ARHGEF4: variants seen among roughly 807,000 people sequenced by gnomAD.
ARHGEF4 encodes the protein APC-stimulated guanine nucleotide exchange factor 1.
A neutral mutation model predicts 162.0 loss-of-function variants in ARHGEF4; 119 were observed. The ratio of observed to expected loss-of-function variants is 0.73; its 90% confidence interval spans 0.63 to 0.86. ARHGEF4 has a LOEUF of 0.86. ARHGEF4 is among the 40% of genes least tolerant of loss of function. The pLI, the probability that ARHGEF4 is intolerant of heterozygous loss-of-function variation, is 0.00. For missense variants in ARHGEF4, 2,488 were observed against 2,456.0 expected (o/e 1.01, Z -0.28); for synonymous variants, 1,014 against 979.9 (o/e 1.03, Z -0.65).
Position 130,863,980 on chromosome 2 carries a change from C to T in ARHGEF4, c.39+26988C>T, listed in dbSNP as rs1473785668. Among the ~76,000 whole-genome samples the T allele has an allele frequency of 8.4e-4, 109 of 129,798 alleles. 2 individuals carry two copies. Among genetic ancestry groups the T allele is most frequent in the African/African-American group, 3.0e-3 (101 of 33,998 alleles). 85.2% of individuals were successfully genotyped at this position (129,798 alleles called of 152,430 possible). On this transcript the variant is annotated intron_variant, in intron 1 of 13. Coordinates refer to ENST00000409359, the MANE Select transcript of ARHGEF4 (RefSeq NM_001367493.1). ...CAGGCAGATCACGAGGTCAGGAGATCGAGACCATCCTGGCAAACACGGTGA... is the reference window on the plus strand; with the variant it reads ...CAGGCAGATCACGAGGTCAGGAGATTGAGACCATCCTGGCAAACACGGTGA...
chr2:130,917,823 C>CTTTTTTTTT (rs72157600), intron 2 of ARHGEF4, among the ~76,000 whole-genome samples: 3 of 106,950 alleles, frequency 2.8e-5, no homozygotes, highest in Non-Finnish European at 6.0e-5. Context: ...TTCTTTTTTT[C>CTTTTTTTTT]TTTTTTTTTT....
At chr2:130,918,671 G>A (rs1469459566) in intron 2 of ARHGEF4, among the ~76,000 whole-genome samples, 1 of 152,204 alleles carries the variant, frequency 6.6e-6, no homozygotes, top group African/African-American at 2.4e-5. Flanking sequence ...CTGCTAAGAG[G>A]GGCGGAGCTG....
chr2:130,891,588 C>T (rs1301191366), intron 1 of ARHGEF4, among the ~76,000 whole-genome samples: 3 of 152,148 alleles, frequency 2.0e-5, no homozygotes, highest in Non-Finnish European at 4.4e-5. Flanking sequence ...GCTGGAAATC[C>T]AAGATCTGCC....
At chr2:131,013,971 A>C (rs1688627686) in intron 4 of ARHGEF4, among the ~76,000 whole-genome samples, 1 of 152,252 alleles carries the variant, frequency 6.6e-6, no homozygotes, top group African/African-American at 2.4e-5. Context: ...TTGGTATTTA[A>C]ATAATTTTTG....
At chr2:130,919,591 A>G (rs1040034459) in intron 2 of ARHGEF4, among the ~76,000 whole-genome samples, 5 of 152,206 alleles carry the variant, frequency 3.3e-5, no homozygotes, top group African/African-American at 9.6e-5. Flanking sequence ...TAATAGTGAT[A>G]TAGGCCATGC....
chr2:131,045,243 G>C, intron 12 of ARHGEF4, 126 bp from the exon 13 acceptor site: 1 of 893,278 alleles, frequency 1.1e-6, no homozygotes, highest in South Asian at 1.7e-5. Flanking sequence ...AACAGTCCCC[G>C]CTGTGGCCAG....
At chr2:130,880,810 C>T (rs1679138583) in intron 1 of ARHGEF4, among the ~76,000 whole-genome samples, 1 of 151,870 alleles carries the variant, frequency 6.6e-6, no homozygotes, top group African/African-American at 2.4e-5. Context: ...GCTGGGATTA[C>T]AGGTGTGAGC....
intron 4 of ARHGEF4, among the ~76,000 whole-genome samples, chr2:130,951,656 T>C (rs1416722539): frequency 1.3e-5 from 2 of 152,208 alleles, no homozygotes; most frequent in Non-Finnish European, 1.5e-5. Flanking sequence ...TCTAATGTAG[T>C]ATTTTAATTT....
intron 1 of ARHGEF4, among the ~76,000 whole-genome samples, chr2:130,871,784 C>A (rs1678503682): frequency 6.6e-6 from 1 of 152,092 alleles, no homozygotes; most frequent in African/African-American, 2.4e-5. Context: ...CACTGGAGAC[C>A]TTTTGAACCC....
At chr2:130,848,641 C>T (rs1019400927) in intron 1 of ARHGEF4, among the ~76,000 whole-genome samples, 2 of 152,196 alleles carry the variant, frequency 1.3e-5, no homozygotes, top group East Asian at 3.9e-4. Flanking sequence ...GTGATCCTGT[C>T]TCTTCCTCCC....
chr2:130,894,942 C>T (rs13395904), intron 1 of ARHGEF4, among the ~76,000 whole-genome samples: 20,029 of 152,150 alleles, frequency 0.13, 2,933 homozygotes, highest in African/African-American at 0.36. Flanking sequence ...ATTGGCTTTA[C>T]GTAGATTGAA....
intron 4 of ARHGEF4, among the ~76,000 whole-genome samples, chr2:130,966,718 G>A (rs1383009712): frequency 6.6e-6 from 1 of 152,202 alleles, no homozygotes; most frequent in Non-Finnish European, 1.5e-5. Flanking sequence ...CACACTCGCT[G>A]ATGTTACTGT....
chr2:131,014,750 A>G (rs1377160102), intron 4 of ARHGEF4, among the ~76,000 whole-genome samples: 1 of 152,110 alleles, frequency 6.6e-6, no homozygotes, highest in Admixed American at 6.5e-5. Context: ...ATTGAAACAG[A>G]TTTCTTGTAG....
chr2:131,028,900 A>T (rs1416686334), intron 5 of ARHGEF4, among the ~76,000 whole-genome samples: 1 of 152,196 alleles, frequency 6.6e-6, no homozygotes, highest in Non-Finnish European at 1.5e-5. Context: ...TTTTTCCTTA[A>T]GAAGAGATCA....
rs1157472283 is a variant in ARHGEF4 at position 131,047,111 on chromosome 2, A to C, written c.*922A>C. 6.6e-6 allele frequency: 1 copy of C among 152,480 alleles called. No homozygotes were observed. The highest frequency in any genetic ancestry group is 2.4e-5 in the African/African-American group (1 of 41,476). The allele number at this position is 152,480 out of a possible 1,614,324, so 9.4% of individuals were successfully genotyped here. A position where few individuals can be genotyped will look rare whatever the true frequency, so the allele number is the denominator to read the frequency against. ...TGTGGAGATGGCGCCCTGTCCTGCCAAGGGGCGCCAGGAGCAGAGCCAGGG... is the reference window on the plus strand; with the variant it reads ...TGTGGAGATGGCGCCCTGTCCTGCCCAGGGGCGCCAGGAGCAGAGCCAGGG... On this transcript the variant is annotated 3_prime_UTR_variant, in exon 14 of 14. Transcript: ENST00000409359.
In ARHGEF4 at chr2:130,930,932, C is replaced by G. The variant is rs1248751311; in HGVS notation, c.3553-20C>G. Reference sequence around the variant, plus strand: ...TGTCCTTTGACCTCTGACCCCTGACCCGTTCTCTCTGCTCTCCAGAACCAC... The same window carrying G: ...TGTCCTTTGACCTCTGACCCCTGACGCGTTCTCTCTGCTCTCCAGAACCAC... On this transcript the variant is annotated intron_variant, in intron 2 of 13. Coordinates refer to ENST00000409359, the MANE Select transcript of ARHGEF4 (RefSeq NM_001367493.1). 5 of 1,588,378 alleles carry G rather than the reference C, an allele frequency of 3.1e-6. No individual in the cohort carries two copies. The East Asian group carries it at 9.0e-5, about 29-fold the overall frequency.
intron 1 of ARHGEF4, among the ~76,000 whole-genome samples, chr2:130,866,074 T>G (rs1682253722): frequency 6.6e-6 from 1 of 152,154 alleles, no homozygotes; most frequent in Admixed American, 6.5e-5. Flanking sequence ...TAGGGTCGAA[T>G]AAAAACATTG....
intron 10 of ARHGEF4, among the ~76,000 whole-genome samples, 191 bp from the exon 11 acceptor site, chr2:131,043,258 GCTC>G (rs796076122): frequency 2.0e-4 from 30 of 152,274 alleles, no homozygotes; most frequent in African/African-American, 6.5e-4. Flanking sequence ...GTGACAGGGG[GCTC>G]CTATTTTGCA....
At position 130,931,223 on chromosome 2, in the gene ARHGEF4, T is replaced by C; in HGVS notation, c.3824T>C (p.Leu1275Pro). The C allele has an allele frequency of 6.2e-7, 1 of 1,613,244 alleles. No homozygotes were observed. Among genetic ancestry groups the C allele is most frequent in the Non-Finnish European group, 8.5e-7 (1 of 1,179,554 alleles). The change falls in exon 3 of 14, where the codon CTG (leucine) becomes CCG (proline). Residue 1275 changes from leucine to proline, a missense_variant. Coordinates refer to ENST00000409359, the MANE Select transcript of ARHGEF4 (RefSeq NM_001367493.1). ...AAGCAGGCCCACGTCGAAAGGAGGC[T>C]GCACATAGGGGCAGTGCACAAAGAT... ...LQKQAHVERR[L>P]HIGAVHKDGV...
Sources: allele counts gnomAD v4.1 joint callset (sites outside exome capture counted in the v4.1 genomes callset), GRCh38; gene constraint gnomAD v4.1.1; transcripts MANE v1.5; gene names NCBI Gene and HGNC (gene_info 2026-07-23, HGNC 2026-07-21).